ANKRD36: variants seen among roughly 807,000 people sequenced by gnomAD.
ANKRD36 encodes the protein ankyrin repeat domain-containing protein 36A.
A neutral mutation model predicts 278.1 loss-of-function variants in ANKRD36; 179 were observed. That is an observed-to-expected ratio of 0.64 (90% confidence interval 0.57 to 0.73). The LOEUF is 0.73. Among genes scored for constraint, ANKRD36 ranks in the 30% least tolerant of loss-of-function variants. The pLI is 0.00. For missense variants in ANKRD36, 1,159 were observed against 1,956.7 expected (o/e 0.59, Z 7.69); for synonymous variants, 320 against 641.1 (o/e 0.50, Z 7.57).
At chr2:97,195,165 G>A (rs2059425828) in intron 40 of ANKRD36, among the ~76,000 whole-genome samples, 1 of 151,982 alleles carries the variant, frequency 6.6e-6, no homozygotes, top group South Asian at 2.1e-4. Flanking sequence ...GAAGACATAA[G>A]GGGCTCTGGG....
rs943044893 is a variant in ANKRD36, at chr2:97,244,089, C to G, written c.4491+60C>G. 13 of 1,541,240 alleles carry G rather than the reference C, an allele frequency of 8.4e-6. 1 individual carries two copies. Among genetic ancestry groups the G allele is most frequent in the Non-Finnish European group, 1.0e-5 (12 of 1,146,512 alleles). The stretch of plus-strand genomic sequence containing the variant: ...CTCTTATTAATATTACTTATACCAT[C>G]TCTTTCATTTAACGTATATTATTTA... On this transcript the variant is annotated intron_variant, in intron 70 of 75. Transcript: ENST00000420699.
At chr2:97,133,860 A>G (rs1164060524) in intron 6 of ANKRD36, among the ~76,000 whole-genome samples, 3 of 151,254 alleles carry the variant, frequency 2.0e-5, no homozygotes, top group Non-Finnish European at 2.9e-5. Flanking sequence ...AGCTCCCCCC[A>G]TTTTCAATAT....
At chr2:97,160,296 T>C (rs1015283057) in intron 17 of ANKRD36, among the ~76,000 whole-genome samples, 1 of 152,294 alleles carries the variant, frequency 6.6e-6, no homozygotes, top group Non-Finnish European at 1.5e-5. Flanking sequence ...GTACCTATTT[T>C]TATAGAATCG....
At chr2:97,187,982 A>G (rs559293035) in intron 32 of ANKRD36, among the ~76,000 whole-genome samples, 11 of 151,890 alleles carry the variant, frequency 7.2e-5, no homozygotes, top group East Asian at 5.9e-4. Flanking sequence ...GTGCCTAAAA[A>G]ATATTTGATT....
At chr2:97,215,902 T>C (rs2065807653) in intron 62 of ANKRD36, 2 of 467,398 alleles carry the variant, frequency 4.3e-6, no homozygotes, top group Non-Finnish European at 3.7e-6. Context: ...AAAAACAGCA[T>C]AGAATGAGAA....
rs1241179129 is a variant in ANKRD36, at chr2:97,229,827, A to G, written c.3952-3903A>G. 8.0e-4 allele frequency among the ~76,000 whole-genome samples: 121 copies of G among 152,110 alleles called. 3 individuals are homozygous for G. Among genetic ancestry groups the G allele is most frequent in the African/African-American group, 2.2e-3 (91 of 41,530 alleles). On this transcript the variant is annotated intron_variant, in intron 67 of 75. Coordinates refer to ENST00000420699, the MANE Select transcript of ANKRD36 (RefSeq NM_001354587.1). ...TTCCTTCAGGAGCTCTTTTAGGGCA[A>G]GCCTGGTGGTGACAAAATCTCTCAT...
At chr2:97,193,500 A>T (rs2058990942) in intron 38 of ANKRD36, among the ~76,000 whole-genome samples, 1 of 122,638 alleles carries the variant, frequency 8.2e-6, no homozygotes, top group African/African-American at 2.6e-5. Flanking sequence ...TATTTTCCTA[A>T]GGAAGACGGA....
chr2:97,191,130 T>A lies in ANKRD36; in HGVS notation c.2296T>A (p.Ser766Thr). The A allele has an allele frequency of 6.3e-7, 1 of 1,598,886 alleles. No homozygotes were observed. Among genetic ancestry groups the A allele is most frequent in the Non-Finnish European group, 8.5e-7 (1 of 1,172,734 alleles). ...TCAGGCTACAACTGATGAGAAAGATTCTGTTTCGAACATAGCCACAGAAAT... is the reference window on the plus strand; with the variant it reads ...TCAGGCTACAACTGATGAGAAAGATACTGTTTCGAACATAGCCACAGAAAT... The part of the protein sequence containing the change: ...ALKATTDEKD[S>T]VSNIATEIKD... The change falls in exon 36 of 76, where the codon TCT (serine) becomes ACT (threonine). Residue 766 changes from serine (S) to threonine (T), a missense_variant. Coordinates refer to ENST00000420699, the MANE Select transcript of ANKRD36 (RefSeq NM_001354587.1).
intron 56 of ANKRD36, among the ~76,000 whole-genome samples, chr2:97,210,753 A>T (rs1198009157): frequency 6.6e-6 from 1 of 151,896 alleles, no homozygotes; most frequent in African/African-American, 2.4e-5. Flanking sequence ...AGTCATTTTC[A>T]ATGAATATTG....
At chr2:97,132,803 C>G (rs531440423) in intron 6 of ANKRD36, among the ~76,000 whole-genome samples, 1 of 151,988 alleles carries the variant, frequency 6.6e-6, no homozygotes, top group African/African-American at 2.4e-5. Flanking sequence ...CACAAGCTTC[C>G]GGGAGCCCTC....
intron 44 of ANKRD36, among the ~76,000 whole-genome samples, chr2:97,199,052 G>A (rs555840463): frequency 4.6e-5 from 7 of 151,996 alleles, no homozygotes; most frequent in Admixed American, 2.0e-4. Flanking sequence ...GTAACAACCC[G>A]TAGACACTGT....
Position 97,144,773 on chromosome 2 carries a change from A to G in ANKRD36, c.1003+61A>G, listed in dbSNP as rs11897333. 1.6e-5 allele frequency: 24 copies of G among 1,520,078 alleles called. No homozygotes were observed. The African/African-American group carries it at 2.5e-4, about 16-fold the overall frequency. 94.2% of individuals were successfully genotyped at this position (1,520,078 alleles called of 1,614,324 possible). A position where few individuals can be genotyped will look rare whatever the true frequency, so the allele number is the denominator to read the frequency against. On this transcript the variant is annotated intron_variant, in intron 10 of 75. Coordinates refer to ENST00000420699, the MANE Select transcript of ANKRD36 (RefSeq NM_001354587.1). ...TCAAGATAGAGAACTTCCCTTCCCC[A>G]AATAAATCAGCAGGGGGCTCATTGA... is the stretch of plus-strand genomic sequence containing the variant.
At chr2:97,258,151 TTAC>T (rs1559056470) in intron 75 of ANKRD36, among the ~76,000 whole-genome samples, 1 of 145,024 alleles carries the variant, frequency 6.9e-6, no homozygotes, top group African/African-American at 2.4e-5. Context: ...GTGTTTTTTC[TTAC>T]TATTTAGCCT....
At chr2:97,146,096 G>A (rs2044163104) in intron 10 of ANKRD36, among the ~76,000 whole-genome samples, 1 of 152,000 alleles carries the variant, frequency 6.6e-6, no homozygotes, top group South Asian at 2.1e-4. Flanking sequence ...AGTCTCCTGA[G>A]TAGCTGAATT....
At chr2:97,132,583 G>A (rs1171726661) in intron 6 of ANKRD36, among the ~76,000 whole-genome samples, 10 of 151,856 alleles carry the variant, frequency 6.6e-5, no homozygotes, top group Non-Finnish European at 1.0e-4. Context: ...CCTTCTGATC[G>A]TAGTCACAGG....
At chr2:97,158,790 C>G in intron 17 of ANKRD36, 135 bp downstream of exon 17, 1 of 893,354 alleles carries the variant, frequency 1.1e-6, no homozygotes, top group South Asian at 1.8e-5. Flanking sequence ...TTTTCCCGTG[C>G]TTTATTCACT....
intron 66 of ANKRD36, among the ~76,000 whole-genome samples, chr2:97,222,063 A>G (rs1350955619): frequency 3.3e-5 from 5 of 151,644 alleles, no homozygotes; most frequent in African/African-American, 1.2e-4. Context: ...TGTTTTTCTC[A>G]GGTTTGTCAA....
intron 6 of ANKRD36, among the ~76,000 whole-genome samples, chr2:97,129,121 C>G (rs1008345079): frequency 2.6e-5 from 4 of 152,090 alleles, no homozygotes; most frequent in Non-Finnish European, 4.4e-5. Context: ...TCCACATCCT[C>G]TCCAGCACCT....
intron 67 of ANKRD36, among the ~76,000 whole-genome samples, chr2:97,227,119 G>A (rs1470396228): frequency 6.6e-6 from 1 of 152,066 alleles, no homozygotes. Flanking sequence ...GCTCTTTTTT[G>A]GTTCCATATG....
Sources: gnomAD v4.1 joint callset for allele counts (sites outside exome capture counted in the v4.1 genomes callset) on GRCh38, gnomAD v4.1.1 for gene constraint, MANE v1.5 for transcripts, NCBI Gene and HGNC (gene_info 2026-07-23, HGNC 2026-07-21) for gene names.